Variants in ZFYVE9 observed in about 807,000 individuals in gnomAD.
The protein encoded by ZFYVE9 is zinc finger FYVE-type containing 9.
ZFYVE9 carries 43 observed loss-of-function variants against 126.7 expected under a neutral mutation model. The observed-to-expected ratio is 0.34, with a 90% CI of 0.27 to 0.44. The LOEUF is 0.44. Among genes scored for constraint, ZFYVE9 ranks in the 20% least tolerant of loss-of-function variants. The pLI is 1.00. For missense variants in ZFYVE9, 1,476 were observed against 1,697.0 expected (o/e 0.87, Z 2.29); for synonymous variants, 521 against 597.4 (o/e 0.87, Z 1.87).
chr1:52,157,355 G>A (rs1309131033), intron 1 of ZFYVE9, among the ~76,000 whole-genome samples: 1 of 139,512 alleles, frequency 7.2e-6, no homozygotes, highest in Non-Finnish European at 1.6e-5. Context: ...CACTGATTTT[G>A]ACTATCTGTC....
At chr1:52,181,868 G>C (rs949840169) in intron 1 of ZFYVE9, among the ~76,000 whole-genome samples, 1 of 151,118 alleles carries the variant, frequency 6.6e-6, no homozygotes, top group Middle Eastern at 3.5e-3. Flanking sequence ...TCTGAGAAGC[G>C]AGGAGCCCCT....
chr1:52,295,549 G>T lies in ZFYVE9; in HGVS notation c.3251-346G>T, dbSNP rs1022604834. Among the ~76,000 whole-genome samples the T allele has an allele frequency of 8.5e-5, 13 of 152,168 alleles. No homozygotes were observed. In the East Asian group the frequency reaches 1.4e-3, roughly 16 times the overall value. On this transcript the variant is annotated intron_variant, in intron 11 of 18. Coordinates refer to ENST00000287727, the MANE Select transcript of ZFYVE9 (RefSeq NM_004799.4). Reference sequence around the variant, plus strand: ...ATTTTTTTGTTTGTTTTTTTGTAGAGACAGGGTCTCCCTAGGTTGCACAGG... The same window carrying T: ...ATTTTTTTGTTTGTTTTTTTGTAGATACAGGGTCTCCCTAGGTTGCACAGG...
intron 2 of ZFYVE9, among the ~76,000 whole-genome samples, chr1:52,216,771 G>T (rs149416487): frequency 2.6e-5 from 4 of 152,294 alleles, no homozygotes; most frequent in African/African-American, 9.6e-5. Flanking sequence ...ATATGGATTT[G>T]AGCAATATTT....
rs201836387 is a variant in ZFYVE9, at chr1:52,263,759, C to CG, written c.2179-14_2179-13insG. The stretch of plus-strand genomic sequence containing the variant: ...AGTAAATTTTGTGTGTTCTTCCCCC[C>CG]CCCCCCCCCACAGGTTTTCTGTGCT... On this transcript the variant is annotated splice_polypyrimidine_tract_variant and intron_variant, in intron 4 of 18. Coordinates refer to ENST00000287727, the MANE Select transcript of ZFYVE9 (RefSeq NM_004799.4). 1,106 of 733,454 alleles carry CG rather than the reference C, an allele frequency of 1.5e-3. 34 individuals are homozygous for CG. In the African/African-American group the frequency reaches 0.018, roughly 12 times the overall value. The allele number at this position is 733,454 out of a possible 1,614,324, so 45.4% of individuals were successfully genotyped here.
chr1:52,336,458 G>GTGATTCTCC (rs1646390883), intron 15 of ZFYVE9, among the ~76,000 whole-genome samples: 1 of 142,394 alleles, frequency 7.0e-6, no homozygotes, highest in Admixed American at 7.8e-5. Context: ...TCTACCTCAA[G>GTGATTCTCC]TGATTCTCCT....
At chr1:52,309,313 C>A (rs1213382425) in intron 13 of ZFYVE9, among the ~76,000 whole-genome samples, 2 of 151,966 alleles carry the variant, frequency 1.3e-5, no homozygotes, top group African/African-American at 4.8e-5. Flanking sequence ...CCCATTTCTA[C>A]AAAAAATACA....
chr1:52,217,483 C>T (rs1289632006), intron 2 of ZFYVE9, among the ~76,000 whole-genome samples: 1 of 152,124 alleles, frequency 6.6e-6, no homozygotes, highest in South Asian at 2.1e-4. Flanking sequence ...TGTTGTTCTT[C>T]TTGATTATCA....
chr1:52,198,378 T>C (rs1644885238), intron 1 of ZFYVE9, among the ~76,000 whole-genome samples: 1 of 152,034 alleles, frequency 6.6e-6, no homozygotes, highest in African/African-American at 2.4e-5. Context: ...CTTACAGGCA[T>C]GGGCTACTGT....
At chr1:52,332,950 A>G in intron 14 of ZFYVE9, 32 bp downstream of exon 14, 1 of 1,613,438 alleles carries the variant, frequency 6.2e-7, no homozygotes, top group East Asian at 2.2e-5. Context: ...GATTATGATA[A>G]TGGAAAATTA....
intron 1 of ZFYVE9, among the ~76,000 whole-genome samples, chr1:52,159,044 G>A (rs1007460432): frequency 3.9e-5 from 6 of 151,988 alleles, no homozygotes; most frequent in African/African-American, 1.4e-4. Flanking sequence ...CGCCCGCCTC[G>A]GCCTCCCAAA....
At chr1:52,221,992 C>T (rs1371145894) in intron 2 of ZFYVE9, among the ~76,000 whole-genome samples, 1 of 152,182 alleles carries the variant, frequency 6.6e-6, no homozygotes, top group Non-Finnish European at 1.5e-5. Context: ...CAGGTAAAGG[C>T]AAAGATACCA....
chr1:52,278,530 A>G lies in ZFYVE9; in HGVS notation c.2785A>G (p.Met929Val). The G allele has an allele frequency of 6.2e-7, 1 of 1,613,988 alleles. No individual in the cohort carries two copies. The highest frequency in any genetic ancestry group is 1.1e-5 in the South Asian group (1 of 91,060). The change falls in exon 9 of 19, where the codon ATG (methionine) becomes GTG (valine). Residue 929 changes from methionine to valine, a missense_variant. Transcript: ENST00000287727. ...AGAGAAACCATCACAGATTTCAGTA[A>G]TGCAGCAGTTGGAGGATGGTGGCCC... ...VEEKPSQISV[M>V]QQLEDGGPDP...
At chr1:52,195,106 A>G (rs1644848176) in intron 1 of ZFYVE9, among the ~76,000 whole-genome samples, 1 of 152,302 alleles carries the variant, frequency 6.6e-6, no homozygotes, top group East Asian at 1.9e-4. Context: ...TAGTGGGAGT[A>G]TTAATAAATT....
intron 7 of ZFYVE9, 77 bp downstream of exon 7, chr1:52,268,709 G>A: frequency 1.3e-6 from 2 of 1,510,572 alleles, no homozygotes; most frequent in Middle Eastern, 1.8e-4. Context: ...AATTACTTTT[G>A]TGTGGAACTC....
rs1308532068 is a variant in ZFYVE9, at chr1:52,346,230, G to T, written c.*9G>T. On this transcript the variant is annotated 3_prime_UTR_variant, in exon 19 of 19. Coordinates refer to ENST00000287727, the MANE Select transcript of ZFYVE9 (RefSeq NM_004799.4). ...TGGAAAACATCGTATAAACAGAGAA[G>T]ACTTCATTTTTTTCTGTTCAGACTT... The T allele has an allele frequency of 6.4e-7, 1 of 1,570,328 alleles. No individual in the cohort carries two copies.
Position 52,332,802 on chromosome 1 carries a change from T to A in ZFYVE9, c.3473T>A (p.Val1158Asp). The change falls in exon 14 of 19, where the codon GTC (valine) becomes GAC (aspartate). Residue 1158 changes from valine (V) to aspartate (D), a missense_variant. Around this residue, in one of 2 missense-constraint regions of ZFYVE9, gnomAD observed 669 missense variants for 902.4 expected, o/e 0.74. Coordinates refer to ENST00000287727, the MANE Select transcript of ZFYVE9 (RefSeq NM_004799.4). ...GCCATGAACAAGTCCAATGAGCATG[T>A]CCTGGCAGGAGGTGCCTGCTTCAAT... Reference protein sequence around the residue: ...MKAMNKSNEHVLAGGACFNEK... With the variant: ...MKAMNKSNEHDLAGGACFNEK... 1 of 1,614,148 alleles carries A rather than the reference T, an allele frequency of 6.2e-7. No individual in the cohort carries two copies. The highest frequency in any genetic ancestry group is 8.5e-7 in the Non-Finnish European group (1 of 1,180,024).
intron 10 of ZFYVE9, among the ~76,000 whole-genome samples, chr1:52,285,546 C>T (rs899280340): frequency 2.6e-5 from 4 of 152,092 alleles, no homozygotes; most frequent in South Asian, 4.1e-4. Flanking sequence ...TTGTGAACTG[C>T]GCGTGTGAGG....
chr1:52,187,612 A>G lies in ZFYVE9; in HGVS notation c.-142-28757A>G, dbSNP rs1271991942. Among the ~76,000 whole-genome samples the G allele has an allele frequency of 2.0e-5, 3 of 152,232 alleles. No individual in the cohort carries two copies. The East Asian group carries it at 5.8e-4, about 29-fold the overall frequency. The stretch of plus-strand genomic sequence containing the variant: ...AAAGGAGCTTAAACAAATTTATGAG[A>G]GAAAAACAACTCCATTAAAAAGTGG... On this transcript the variant is annotated intron_variant, in intron 1 of 18. Coordinates refer to ENST00000287727, the MANE Select transcript of ZFYVE9 (RefSeq NM_004799.4).
intron 13 of ZFYVE9, among the ~76,000 whole-genome samples, chr1:52,327,374 C>T (rs1387094979): frequency 2.0e-5 from 3 of 151,110 alleles, no homozygotes; most frequent in Admixed American, 6.6e-5. Flanking sequence ...GAGGCTGAGT[C>T]GGGCAGATCA....
Sources: allele counts gnomAD v4.1 joint callset (sites outside exome capture counted in the v4.1 genomes callset), GRCh38; gene constraint gnomAD v4.1.1; regional missense constraint gnomAD v4.1.1; transcripts MANE v1.5; gene names NCBI Gene and HGNC (gene_info 2026-07-23, HGNC 2026-07-21).